NFIA: variants seen among roughly 807,000 people sequenced by gnomAD.
The protein encoded by NFIA is nuclear factor 1 A-type.
Under a neutral mutation model 62.8 loss-of-function variants are expected in NFIA, and 8 were observed. The ratio of observed to expected loss-of-function variants is 0.13; its 90% CI spans 0.07 to 0.23. The LOEUF is 0.23. Ranked by LOEUF, NFIA falls within the 10% of genes least tolerant of loss-of-function variation. The pLI, the probability that NFIA is intolerant of heterozygous loss-of-function variation, is 1.00. For missense variants in NFIA, 410 were observed against 642.1 expected, an observed-to-expected ratio of 0.64 and a Z score of 3.91; for synonymous variants, 235 against 238.1, an observed-to-expected ratio of 0.99 and a Z score of 0.12.
intron 3 of NFIA, among the ~76,000 whole-genome samples, chr1:61,330,327 T>G (rs1031711070): frequency 6.6e-6 from 1 of 152,154 alleles, no homozygotes; most frequent in Non-Finnish European, 1.5e-5. Context: ...TCTCAGGCAT[T>G]AAGTATACAG....
upstream of NFIA, among the ~76,000 whole-genome samples, chr1:61,080,715 T>A (rs1468239048): frequency 1.3e-5 from 2 of 152,204 alleles, no homozygotes; most frequent in Non-Finnish European, 2.9e-5. Context: ...AAATCATTAT[T>A]TCTCCTCACT....
intron 6 of NFIA, among the ~76,000 whole-genome samples, chr1:61,364,261 A>G (rs530352642): frequency 2.0e-5 from 3 of 152,074 alleles, no homozygotes; most frequent in African/African-American, 7.2e-5. Flanking sequence ...CTCTGCTATT[A>G]TTGTCTGTTT....
intron 10 of NFIA, among the ~76,000 whole-genome samples, chr1:61,444,063 CA>C (rs1263759696): frequency 3.3e-5 from 5 of 152,288 alleles, no homozygotes; most frequent in African/African-American, 1.2e-4. Context: ...CATTTCTCTT[CA>C]TAACTTAATC....
Position 61,305,741 on chromosome 1 carries a change from A to C in NFIA, c.626-26771A>C, listed in dbSNP as rs554420981. On this transcript the variant is annotated intron_variant, in intron 3 of 10. Transcript: ENST00000403491. ...AACATTAGTCCCGTTTAACAGAAGA[A>C]GACTCTGAGGCTTGGTTAGTAAAAG... Among the ~76,000 whole-genome samples the C allele has an allele frequency of 4.6e-5, 7 of 152,274 alleles. No homozygotes were observed. In the South Asian group the frequency reaches 6.2e-4, roughly 14 times the overall value.
chr1:61,219,178 G>A lies in NFIA; in HGVS notation c.560-58342G>A, dbSNP rs115928849. The stretch of plus-strand genomic sequence containing the variant: ...ACCCACAGGGCAGAGGTTGCAGTAA[G>A]CTGAGATCAGGTCACTGATCTCCAG... On this transcript the variant is annotated intron_variant, in intron 2 of 10. Coordinates refer to ENST00000403491, the MANE Select transcript of NFIA (RefSeq NM_001134673.4). 6.0e-3 allele frequency among the ~76,000 whole-genome samples: 907 copies of A among 151,516 alleles called. 8 individuals are homozygous for A. Among genetic ancestry groups the A allele is most frequent in the African/African-American group, 0.021 (868 of 41,338 alleles).
chr1:61,344,610 T>A (rs1474561597), intron 4 of NFIA, among the ~76,000 whole-genome samples: 1 of 152,250 alleles, frequency 6.6e-6, no homozygotes, highest in Non-Finnish European at 1.5e-5. Flanking sequence ...AGGGGTTTTC[T>A]ATATCTTGTC....
chr1:61,085,916 A>G (rs934316901), intron 1 of NFIA, among the ~76,000 whole-genome samples: 40 of 152,180 alleles, frequency 2.6e-4, no homozygotes, highest in African/African-American at 9.2e-4. Flanking sequence ...CCTGTTGGAC[A>G]CGAATGCATG....
At chr1:61,328,671 G>T (rs963875964) in intron 3 of NFIA, among the ~76,000 whole-genome samples, 2 of 151,596 alleles carry the variant, frequency 1.3e-5, no homozygotes, top group African/African-American at 4.8e-5. Context: ...TGCCTGCCTC[G>T]GCCTCCCAAA....
intron 6 of NFIA, among the ~76,000 whole-genome samples, chr1:61,361,127 A>G (rs1663268430): frequency 6.6e-6 from 1 of 152,178 alleles, no homozygotes; most frequent in South Asian, 2.1e-4. Context: ...GTCTTCCGTG[A>G]CTTCTGTTTC....
chr1:61,202,261 A>G (rs1243081126), intron 2 of NFIA, among the ~76,000 whole-genome samples: 1 of 152,212 alleles, frequency 6.6e-6, no homozygotes, highest in Non-Finnish European at 1.5e-5. Context: ...AAAAGGCAGG[A>G]AAACACTGTG....
At chr1:61,433,685 A>G (rs529213338) in intron 10 of NFIA, among the ~76,000 whole-genome samples, 3 of 152,250 alleles carry the variant, frequency 2.0e-5, no homozygotes, top group Admixed American at 6.5e-5. Context: ...TATTTTCTGG[A>G]TTACAAAGTA....
intron 2 of NFIA, among the ~76,000 whole-genome samples, chr1:61,137,290 C>T (rs933217095): frequency 6.6e-6 from 1 of 152,070 alleles, no homozygotes; most frequent in Non-Finnish European, 1.5e-5. Flanking sequence ...ATAACAACTC[C>T]ACAAGGTAGT....
intron 2 of NFIA, among the ~76,000 whole-genome samples, chr1:61,219,311 T>G (rs993042624): frequency 1.3e-5 from 2 of 152,168 alleles, no homozygotes; most frequent in African/African-American, 2.4e-5. Context: ...GCCTCAATTA[T>G]TTCTAAACTA....
chr1:61,305,508 G>A (rs759574239), intron 3 of NFIA, among the ~76,000 whole-genome samples: 3 of 152,190 alleles, frequency 2.0e-5, no homozygotes, highest in Non-Finnish European at 4.4e-5. Flanking sequence ...CTACATAGCT[G>A]TGGTGGTTTT....
chr1:61,128,036 T>C (rs1647006101), intron 2 of NFIA, among the ~76,000 whole-genome samples: 1 of 152,186 alleles, frequency 6.6e-6, no homozygotes, highest in Admixed American at 6.5e-5. Context: ...GCAAATCTTA[T>C]TTCATGTGAC....
chr1:61,422,763 AG>A (rs1666690780), intron 9 of NFIA, among the ~76,000 whole-genome samples: 1 of 150,046 alleles, frequency 6.7e-6, no homozygotes, highest in African/African-American at 2.5e-5. Flanking sequence ...AAAAAAAAAA[AG>A]AGCAGTACTG....
intron 2 of NFIA, among the ~76,000 whole-genome samples, chr1:61,204,672 C>T (rs441374): frequency 1.3e-5 from 2 of 151,898 alleles, no homozygotes; most frequent in African/African-American, 2.4e-5. Context: ...CTGCCCCCCC[C>T]ACCCTTGGGT....
intron 6 of NFIA, among the ~76,000 whole-genome samples, chr1:61,382,206 A>G (rs1319198307): frequency 2.0e-5 from 3 of 152,138 alleles, no homozygotes; most frequent in Admixed American, 6.6e-5. Flanking sequence ...TTGGCACCCT[A>G]TCAAACTGAT....
At chr1:61,431,754 C>T (rs1480092911) in intron 10 of NFIA, among the ~76,000 whole-genome samples, 1 of 152,222 alleles carries the variant, frequency 6.6e-6, no homozygotes, top group Non-Finnish European at 1.5e-5. Flanking sequence ...CACCCGTTGT[C>T]TGCCTCTGGT....
Sources: gnomAD v4.1 joint callset for allele counts (sites outside exome capture counted in the v4.1 genomes callset) on GRCh38, gnomAD v4.1.1 for gene constraint, MANE v1.5 for transcripts, NCBI Gene and HGNC (gene_info 2026-07-23, HGNC 2026-07-21) for gene names.